KLHL14: variants seen among roughly 807,000 people sequenced by gnomAD.
KLHL14 encodes kelch like family member 14.
A neutral mutation model predicts 64.3 loss-of-function variants in KLHL14; 22 were observed. That is an observed-to-expected ratio of 0.34 (90% confidence interval 0.24 to 0.49). KLHL14 has a LOEUF of 0.49. Ranked by LOEUF, KLHL14 falls within the 20% of genes least tolerant of loss-of-function variation. KLHL14 has a pLI of 0.99. For missense variants in KLHL14, 661 were observed against 789.0 expected, an observed-to-expected ratio of 0.84 and a Z score of 1.94; for synonymous variants, 322 against 333.4, an observed-to-expected ratio of 0.97 and a Z score of 0.37.
chr18:32,728,716 T>C (rs900026079), intron 3 of KLHL14, among the ~76,000 whole-genome samples: 2 of 152,120 alleles, frequency 1.3e-5, no homozygotes, highest in African/African-American at 4.8e-5. Flanking sequence ...TTGCCCATCA[T>C]CCTTACCATT....
At chr18:32,742,094 G>C (rs201155351) in intron 2 of KLHL14, 45 bp from the exon 3 acceptor site, 2 of 1,587,084 alleles carry the variant, frequency 1.3e-6, no homozygotes, top group East Asian at 4.5e-5. Flanking sequence ...CATTACTGTA[G>C]AGTCTTTTTA....
chr18:32,747,979 A>G (rs2050232118), intron 2 of KLHL14, among the ~76,000 whole-genome samples: 1 of 152,198 alleles, frequency 6.6e-6, no homozygotes, highest in Admixed American at 6.5e-5. Flanking sequence ...AGTTCCTACT[A>G]TGTTCCAGGT....
rs1236939445 is a variant in KLHL14 at position 32,672,922 on chromosome 18, C to T, written c.*1735G>A. 1 of 152,678 alleles carries T rather than the reference C, an allele frequency of 6.5e-6. No individual in the cohort carries two copies. The highest frequency in any genetic ancestry group is 1.9e-4 in the East Asian group (1 of 5,186). 9.5% of individuals were successfully genotyped at this position (152,678 alleles called of 1,614,324 possible). A position where few individuals can be genotyped will look rare whatever the true frequency, so the allele number is the denominator to read the frequency against. ...GCAAAGGTTCTTGTACAAATTGTGA[C>T]TTTTGGAAGAAACAGTGACAGTTGA... On this transcript the variant is annotated 3_prime_UTR_variant, in exon 9 of 9. Transcript: ENST00000359358.
In KLHL14 at chr18:32,686,819, T is replaced by C. The variant is rs75405408; in HGVS notation, c.1238+336A>G. On this transcript the variant is annotated intron_variant, in intron 5 of 8. Coordinates refer to ENST00000359358, the MANE Select transcript of KLHL14 (RefSeq NM_020805.3). ...ATGCACATCATTGCAAGTATAGTATTTTATATTTCAATTTTAGGGTTTAAA... is the reference window on the plus strand; with the variant it reads ...ATGCACATCATTGCAAGTATAGTATCTTATATTTCAATTTTAGGGTTTAAA... Among the ~76,000 whole-genome samples the C allele has an allele frequency of 4.0e-3, 603 of 152,266 alleles. 6 individuals are homozygous for C. Among genetic ancestry groups the C allele is most frequent in the African/African-American group, 0.014 (591 of 41,566 alleles).
At chr18:32,699,191 G>T (rs2049951201) in intron 3 of KLHL14, among the ~76,000 whole-genome samples, 1 of 152,126 alleles carries the variant, frequency 6.6e-6, no homozygotes. Context: ...TGGGAAAAAG[G>T]AGTCAAACTC....
At chr18:32,753,312 T>C (rs2050265862) in intron 2 of KLHL14, among the ~76,000 whole-genome samples, 1 of 152,196 alleles carries the variant, frequency 6.6e-6, no homozygotes, top group Non-Finnish European at 1.5e-5. Flanking sequence ...ACTTCCTGTC[T>C]GTGTGACCAT....
intron 3 of KLHL14, among the ~76,000 whole-genome samples, chr18:32,708,281 A>C (rs1354074840): frequency 6.6e-6 from 1 of 152,144 alleles, no homozygotes; most frequent in African/African-American, 2.4e-5. Context: ...ATCCCACCAG[A>C]GGTGCTAGAG....
chr18:32,697,950 C>G (rs1430124013), intron 3 of KLHL14, among the ~76,000 whole-genome samples: 2 of 152,046 alleles, frequency 1.3e-5, no homozygotes, highest in Non-Finnish European at 2.9e-5. Context: ...TATTCTCATT[C>G]CTGAATTATT....
In KLHL14 at chr18:32,680,612, G is replaced by T. The variant is rs375420128; in HGVS notation, c.1239-13C>A. ...GAAACTGGCTCTTCTACAATGAAAA[G>T]AACCCACAGTAAATCACAAGAGGAG... On this transcript the variant is annotated splice_polypyrimidine_tract_variant and intron_variant, in intron 5 of 8. Transcript: ENST00000359358. The surrounding 1 kb of genome is among the most constrained non-coding windows in gnomAD (Gnocchi z 4.8). The T allele has an allele frequency of 1.3e-6, 2 of 1,592,752 alleles. No homozygotes were observed. Among genetic ancestry groups the T allele is most frequent in the Non-Finnish European group, 8.5e-7 (1 of 1,169,782 alleles).
chr18:32,750,999 G>T (rs2050248387), intron 2 of KLHL14, among the ~76,000 whole-genome samples: 1 of 151,832 alleles, frequency 6.6e-6, no homozygotes, highest in South Asian at 2.1e-4. Context: ...ATTAGTAAAT[G>T]TCTTCCTGGA....
At position 32,703,989 on chromosome 18, in the gene KLHL14, T is replaced by C. The variant is rs8085109; in HGVS notation, c.1070-8437A>G. Among the ~76,000 whole-genome samples the C allele has an allele frequency of 7.7e-3, 1,168 of 152,260 alleles. 15 individuals are homozygous for C. The highest frequency in any genetic ancestry group is 0.029 in the South Asian group (141 of 4,818). On this transcript the variant is annotated intron_variant, in intron 3 of 8. Coordinates refer to ENST00000359358, the MANE Select transcript of KLHL14 (RefSeq NM_020805.3). ...GCTTTGATGACTGCCCTTTTCCAAG[T>C]GTCAACACAATGTCTTCCTGATCAT...
intron 2 of KLHL14, among the ~76,000 whole-genome samples, chr18:32,753,835 T>C (rs1264758322): frequency 6.6e-6 from 1 of 152,236 alleles, no homozygotes; most frequent in Non-Finnish European, 1.5e-5. Context: ...AATATCTTCT[T>C]TGCTTGATTA....
intron 7 of KLHL14, among the ~76,000 whole-genome samples, chr18:32,679,531 CATA>C (rs1489537166): frequency 6.6e-6 from 1 of 151,942 alleles, no homozygotes; most frequent in Non-Finnish European, 1.5e-5. Context: ...CATGCATGCA[CATA>C]ATGTTATATA....
rs2050232032 is a variant in KLHL14, at chr18:32,747,967, T to G, written c.948-5918A>C. 1.3e-5 allele frequency among the ~76,000 whole-genome samples: 2 copies of G among 152,254 alleles called. 1 individual carries two copies. Among genetic ancestry groups the G allele is most frequent in the South Asian group, 4.1e-4 (2 of 4,836 alleles). On this transcript the variant is annotated intron_variant, in intron 2 of 8. Transcript: ENST00000359358. ...TCGTTTACAGTTAGCAATTGTTAACTGAGTTCCTACTATGTTCCAGGTGGT... is the reference window on the plus strand; with the variant it reads ...TCGTTTACAGTTAGCAATTGTTAACGGAGTTCCTACTATGTTCCAGGTGGT...
intron 3 of KLHL14, among the ~76,000 whole-genome samples, chr18:32,710,969 ACT>A (rs1303670184): frequency 6.6e-6 from 1 of 152,104 alleles, no homozygotes; most frequent in Non-Finnish European, 1.5e-5. Flanking sequence ...AATTCCACAA[ACT>A]CTACTGCTCT....
intron 3 of KLHL14, among the ~76,000 whole-genome samples, chr18:32,698,907 A>T (rs1243219407): frequency 6.6e-6 from 1 of 152,200 alleles, no homozygotes; most frequent in Admixed American, 6.5e-5. Flanking sequence ...AATATTTTTA[A>T]TTAAGAAAGT....
chr18:32,693,242 A>G (rs182817733), intron 4 of KLHL14, among the ~76,000 whole-genome samples: 1 of 152,184 alleles, frequency 6.6e-6, no homozygotes, highest in East Asian at 1.9e-4. Context: ...GTTCTCCTCT[A>G]TTTAGGTGAG....
At chr18:32,739,384 T>C (rs1293276742) in intron 3 of KLHL14, among the ~76,000 whole-genome samples, 2 of 148,108 alleles carry the variant, frequency 1.4e-5, no homozygotes, top group African/African-American at 5.2e-5. Flanking sequence ...GAATAAGGTA[T>C]CTTAACAAAA....
intron 3 of KLHL14, among the ~76,000 whole-genome samples, chr18:32,732,830 A>G (rs554763425): frequency 6.6e-6 from 1 of 152,236 alleles, no homozygotes; most frequent in African/African-American, 2.4e-5. Context: ...AAACTGAGAT[A>G]GAAGAGTAGA....
Sources: allele counts gnomAD v4.1 joint callset (sites outside exome capture counted in the v4.1 genomes callset), GRCh38; gene constraint gnomAD v4.1.1; non-coding constraint Gnocchi (gnomAD v3.1); transcripts MANE v1.5; gene names NCBI Gene and HGNC (gene_info 2026-07-23, HGNC 2026-07-21).